Variants in SHISA9 observed in about 807,000 individuals in gnomAD.
The protein encoded by SHISA9 is shisa family member 9.
A neutral mutation model predicts 38.0 loss-of-function variants in SHISA9; 13 were observed. The observed-to-expected ratio is 0.34, with a 90% confidence interval of 0.22 to 0.54. SHISA9 has a LOEUF of 0.54. SHISA9 is among the 20% of genes least tolerant of loss of function. The pLI, the probability that SHISA9 is intolerant of heterozygous loss-of-function variation, is 0.91. For missense variants in SHISA9, 538 were observed against 575.8 expected (o/e 0.93, Z 0.67); for synonymous variants, 275 against 242.0 (o/e 1.14, Z -1.27).
the SHISA9 span, among the ~76,000 whole-genome samples, chr16:13,347,115 A>G: frequency 3.3e-5 from 5 of 152,194 alleles, no homozygotes; most frequent in Non-Finnish European, 5.9e-5. Context: ...TTTCCTGATG[A>G]TGTGAGAAAA....
In SHISA9 at chr16:12,916,830, A is replaced by G. The variant is rs888018284; in HGVS notation, c.691+15A>G. The G allele has an allele frequency of 6.4e-6, 10 of 1,550,558 alleles. No individual in the cohort carries two copies. The African/African-American group carries it at 1.1e-4, about 17-fold the overall frequency. ...AAATAATCTTCGTAAGTACAGCTGC[A>G]TGAACCATTTCCAGTCCCATGGGGT... On this transcript the variant is annotated intron_variant, in intron 2 of 4. Coordinates refer to ENST00000558583, the MANE Select transcript of SHISA9 (RefSeq NM_001145204.3).
chr16:13,481,643 A>C, the SHISA9 span, among the ~76,000 whole-genome samples: 71 of 152,302 alleles, frequency 4.7e-4, no homozygotes, highest in African/African-American at 1.6e-3. Flanking sequence ...AGTGCCTTGT[A>C]CCATGCCCGG....
At chr16:13,183,296 A>G (rs546317280) in intron 2 of SHISA9, among the ~76,000 whole-genome samples, 21 of 151,752 alleles carry the variant, frequency 1.4e-4, no homozygotes, top group African/African-American at 4.6e-4. Context: ...AGAAAATACA[A>G]TCTGCCACAG....
intron 2 of SHISA9, among the ~76,000 whole-genome samples, chr16:13,039,572 T>C (rs1156284766): frequency 6.8e-6 from 1 of 146,334 alleles, no homozygotes; most frequent in East Asian, 2.0e-4. Flanking sequence ...AAACACAGAG[T>C]ATAATATAAG....
At chr16:12,971,233 C>T (rs548216262) in intron 2 of SHISA9, among the ~76,000 whole-genome samples, 7 of 152,336 alleles carry the variant, frequency 4.6e-5, no homozygotes, top group African/African-American at 1.7e-4. Flanking sequence ...CAAATCAGGA[C>T]TCTGTGTAGC....
the SHISA9 span, among the ~76,000 whole-genome samples, chr16:13,443,151 G>A: frequency 6.6e-6 from 1 of 152,142 alleles, no homozygotes; most frequent in East Asian, 1.9e-4. Flanking sequence ...GGACAAAAGT[G>A]GAAAACAATG....
intron 2 of SHISA9, among the ~76,000 whole-genome samples, chr16:13,176,027 A>G (rs928124052): frequency 6.6e-6 from 1 of 152,172 alleles, no homozygotes; most frequent in African/African-American, 2.4e-5. Flanking sequence ...AAGTAGGCAT[A>G]GCATTTTTTT....
intron 2 of SHISA9, among the ~76,000 whole-genome samples, chr16:13,114,374 C>G (rs143679436): frequency 0.038 from 5,552 of 144,232 alleles, 142 homozygotes; most frequent in Middle Eastern, 0.078. Context: ...GCTGAGGCAG[C>G]AGAATTGCTT....
intron 1 of SHISA9, chr16:12,910,443 T>C: frequency 1.0e-6 from 1 of 985,116 alleles, no homozygotes. Context: ...CAGCCAAATA[T>C]CAGGAGACAG....
the SHISA9 span, among the ~76,000 whole-genome samples, chr16:13,323,915 G>A: frequency 1.3e-5 from 2 of 152,298 alleles, no homozygotes; most frequent in East Asian, 1.9e-4. Flanking sequence ...TGTTGGAGGT[G>A]GGTCTAGTGG....
intron 2 of SHISA9, among the ~76,000 whole-genome samples, chr16:13,011,577 A>C (rs1479402081): frequency 6.6e-6 from 1 of 152,048 alleles, no homozygotes; most frequent in Non-Finnish European, 1.5e-5. Context: ...GCTGGAGTGC[A>C]GTGGTGCCAT....
In SHISA9 at chr16:13,235,854, T is replaced by A. The variant is rs568004270; in HGVS notation, c.*445T>A. The A allele has an allele frequency of 9.4e-5, 15 of 160,004 alleles. No individual in the cohort carries two copies. In the South Asian group the frequency reaches 2.9e-3, roughly 31 times the overall value. The allele number at this position is 160,004 out of a possible 1,614,324, so 9.9% of individuals were successfully genotyped here. A position where few individuals can be genotyped will look rare whatever the true frequency, so the allele number is the denominator to read the frequency against. ...CTGTTTCTAGGTTCGAAAGCCAGGG[T>A]GGAAATGGGGGTAGAGAATGAGGGA... On this transcript the variant is annotated 3_prime_UTR_variant, in exon 5 of 5. Coordinates refer to ENST00000558583, the MANE Select transcript of SHISA9 (RefSeq NM_001145204.3).
At chr16:13,029,744 A>G (rs902592560) in intron 2 of SHISA9, among the ~76,000 whole-genome samples, 33 of 152,226 alleles carry the variant, frequency 2.2e-4, no homozygotes, top group African/African-American at 6.8e-4. Context: ...GGATCTGAAA[A>G]TAAAAACAAT....
chr16:13,131,341 T>C (rs2050305028), intron 2 of SHISA9, among the ~76,000 whole-genome samples: 2 of 152,196 alleles, frequency 1.3e-5, no homozygotes, highest in South Asian at 4.1e-4. Context: ...GAAGCCATTA[T>C]CCTCAGCAAA....
At chr16:13,104,053 C>G (rs2073903840) in intron 2 of SHISA9, among the ~76,000 whole-genome samples, 1 of 152,166 alleles carries the variant, frequency 6.6e-6, no homozygotes, top group Admixed American at 6.6e-5. Flanking sequence ...ATGCATGTGT[C>G]TGGTTCTTGA....
chr16:13,080,834 C>T (rs1278505531), intron 2 of SHISA9, among the ~76,000 whole-genome samples: 1 of 152,188 alleles, frequency 6.6e-6, no homozygotes, highest in Non-Finnish European at 1.5e-5. Flanking sequence ...ATTTATTTCT[C>T]ACAGCTCTGG....
the SHISA9 span, among the ~76,000 whole-genome samples, chr16:13,385,326 C>T: frequency 5.3e-5 from 8 of 152,340 alleles, no homozygotes; most frequent in East Asian, 1.3e-3. Flanking sequence ...TGGACATTCA[C>T]ACAAAAATCT....
chr16:13,216,267 C>T (rs1157035447), intron 4 of SHISA9, among the ~76,000 whole-genome samples: 1 of 151,578 alleles, frequency 6.6e-6, no homozygotes, highest in Non-Finnish European at 1.5e-5. Flanking sequence ...CCAATACAGG[C>T]ACCATCATTT....
At position 12,902,585 on chromosome 16, in the gene SHISA9, G is replaced by A. The variant is rs1311499236; in HGVS notation, c.521G>A (p.Gly174Glu). The A allele has an allele frequency of 1.3e-6, 2 of 1,551,010 alleles. No individual in the cohort carries two copies. Among genetic ancestry groups the A allele is most frequent in the Admixed American group, 2.0e-5 (1 of 50,978 alleles). The change falls in exon 1 of 5, where the codon GGG becomes GAG. Residue 174 changes from glycine to glutamate, a missense_variant. Transcript: ENST00000558583. ...MVLVGIFTKLGLEKAHRPQRE... is the reference protein window; with the variant it reads ...MVLVGIFTKLELEKAHRPQRE... ...CTCGTGGGCATCTTCACCAAGCTGG[G>A]GCTGGAGAAAGCGCACCGGCCCCAA...
Sources: gnomAD v4.1 joint callset for allele counts (sites outside exome capture counted in the v4.1 genomes callset) on GRCh38, gnomAD v4.1.1 for gene constraint, MANE v1.5 for transcripts, NCBI Gene and HGNC (gene_info 2026-07-23, HGNC 2026-07-21) for gene names.